CENPW: variants seen among roughly 807,000 people sequenced by gnomAD.
The protein encoded by CENPW is cancer-up-regulated gene 2 protein.
Under a neutral mutation model 11.1 loss-of-function variants are expected in CENPW, and 3 were observed. That is an observed-to-expected ratio of 0.27 (90% CI 0.12 to 0.70). The LOEUF (loss-of-function observed/expected upper bound fraction) is 0.70, where lower values mean the gene tolerates loss of function less well. Among genes scored for constraint, CENPW ranks in the 30% least tolerant of loss-of-function variants. The pLI, the probability that CENPW is intolerant of heterozygous loss-of-function variation, is 0.77. For missense variants in CENPW, 100 were observed against 105.6 expected (o/e 0.95, Z 0.23); for synonymous variants, 38 against 42.0 (o/e 0.91, Z 0.37).
At chr6:126,341,453 T>C (rs1449342048) in intron 1 of CENPW, among the ~76,000 whole-genome samples, 1 of 152,206 alleles carries the variant, frequency 6.6e-6, no homozygotes, top group African/African-American at 2.4e-5. Context: ...ATCTGTTGCT[T>C]CCTTTTCTAA....
the CENPW span, among the ~76,000 whole-genome samples, chr6:126,438,803 T>A: frequency 1.3e-5 from 2 of 151,702 alleles, no homozygotes; most frequent in South Asian, 2.1e-4. Context: ...TAAAGATTCA[T>A]TGAAAATATT....
At chr6:126,457,842 T>C in the CENPW span, among the ~76,000 whole-genome samples, 1 of 151,328 alleles carries the variant, frequency 6.6e-6, no homozygotes, top group East Asian at 1.9e-4. Context: ...AATATACACT[T>C]TAACTCACAG....
the CENPW span, among the ~76,000 whole-genome samples, chr6:126,382,498 T>A: frequency 2.0e-5 from 3 of 151,996 alleles, no homozygotes; most frequent in South Asian, 6.2e-4. Flanking sequence ...ACAAAGATCA[T>A]TGAAACTTAG....
chr6:126,348,333 C>A (rs9401876), intron 2 of CENPW, 133 bp from the exon 3 acceptor site: 280,690 of 567,718 alleles, frequency 0.49, 76,981 homozygotes, highest in East Asian at 0.99. Flanking sequence ...AAGGTGATTT[C>A]CAATTTGGAA....
the CENPW span, among the ~76,000 whole-genome samples, chr6:126,363,747 A>G: frequency 6.6e-6 from 1 of 152,214 alleles, no homozygotes; most frequent in Non-Finnish European, 1.5e-5. Context: ...AACTCATCTA[A>G]GAAAATCTCC....
chr6:126,363,355 T>G, the CENPW span, among the ~76,000 whole-genome samples: 1 of 152,348 alleles, frequency 6.6e-6, no homozygotes, highest in African/African-American at 2.4e-5. Context: ...AGATTTCACA[T>G]ACAAATTTAA....
At chr6:126,340,428 A>C in intron 1 of CENPW, 29 bp downstream of exon 1, 1 of 1,614,130 alleles carries the variant, frequency 6.2e-7, no homozygotes, top group Non-Finnish European at 8.5e-7. Context: ...TCGGGCTGGG[A>C]ATGGGGCACG....
At chr6:126,353,906 AT>A in the CENPW span, among the ~76,000 whole-genome samples, 81 of 151,876 alleles carry the variant, frequency 5.3e-4, no homozygotes, top group African/African-American at 1.8e-3. Context: ...GTGTATGTGT[AT>A]TTTTTTCCTT....
chr6:126,341,087 T>C (rs1173762297), intron 1 of CENPW, among the ~76,000 whole-genome samples: 1 of 152,328 alleles, frequency 6.6e-6, no homozygotes, highest in African/African-American at 2.4e-5. Context: ...TGACCCATAA[T>C]ACCTGAAGCA....
chr6:126,419,821 A>G, the CENPW span, among the ~76,000 whole-genome samples: 1 of 152,108 alleles, frequency 6.6e-6, no homozygotes, highest in African/African-American at 2.4e-5. Context: ...TCTCCATGCC[A>G]CTGAGTCTCC....
At chr6:126,454,199 G>A in the CENPW span, among the ~76,000 whole-genome samples, 1,609 of 150,984 alleles carry the variant, frequency 0.011, 25 homozygotes, top group African/African-American at 0.037. Context: ...TGGGACCAGA[G>A]CTTGAAACCT....
At chr6:126,370,589 C>A in the CENPW span, among the ~76,000 whole-genome samples, 3 of 152,130 alleles carry the variant, frequency 2.0e-5, no homozygotes, top group East Asian at 5.8e-4. Context: ...TGTAGCAGAG[C>A]TACTGATTTG....
At chr6:126,357,850 G>A in the CENPW span, among the ~76,000 whole-genome samples, 21 of 152,042 alleles carry the variant, frequency 1.4e-4, no homozygotes, top group Admixed American at 3.3e-4. Flanking sequence ...CTCATGATCC[G>A]CCTGCCGCAG....
chr6:126,453,485 C>G, the CENPW span, among the ~76,000 whole-genome samples: 4 of 151,118 alleles, frequency 2.6e-5, no homozygotes, highest in Admixed American at 2.6e-4. Flanking sequence ...GAAATAAGAT[C>G]CTTTTTAGAC....
the CENPW span, among the ~76,000 whole-genome samples, chr6:126,354,643 C>T: frequency 6.6e-6 from 1 of 152,090 alleles, no homozygotes; most frequent in African/African-American, 2.4e-5. Flanking sequence ...TCTCAACCTC[C>T]ATTTGCCTAG....
chr6:126,371,924 G>T, the CENPW span, among the ~76,000 whole-genome samples: 1 of 151,866 alleles, frequency 6.6e-6, no homozygotes, highest in African/African-American at 2.4e-5. Context: ...TGTGGTATCG[G>T]TTGTAATAAA....
chr6:126,357,896 C>T, the CENPW span, among the ~76,000 whole-genome samples: 3 of 152,154 alleles, frequency 2.0e-5, no homozygotes, highest in African/African-American at 7.2e-5. Context: ...TGTGAGCCAC[C>T]ACGCCTGGCC....
the CENPW span, among the ~76,000 whole-genome samples, chr6:126,427,113 T>A: frequency 2.7e-3 from 411 of 152,290 alleles, 4 homozygotes; most frequent in African/African-American, 8.5e-3. Context: ...TGAGGGTTCC[T>A]GTGTGGCATA....
the CENPW span, among the ~76,000 whole-genome samples, chr6:126,387,247 G>A: frequency 4.0e-5 from 6 of 151,538 alleles, no homozygotes; most frequent in African/African-American, 1.5e-4. Flanking sequence ...CTACATATCT[G>A]CAGGCCAGAT....
Sources: allele counts gnomAD v4.1 joint callset (sites outside exome capture counted in the v4.1 genomes callset), GRCh38; gene constraint gnomAD v4.1.1; transcripts MANE v1.5; gene names NCBI Gene and HGNC (gene_info 2026-07-23, HGNC 2026-07-21).